The following KRIT1 variants were observed in gnomAD, a reference collection of about 807,000 sequenced individuals.
The protein encoded by KRIT1 is KRIT1 ankyrin repeat containing.
A neutral mutation model predicts 95.8 loss-of-function variants in KRIT1; 45 were observed. The observed-to-expected ratio is 0.47, with a 90% CI of 0.37 to 0.60. The LOEUF (loss-of-function observed/expected upper bound fraction) is 0.60, where lower values mean the gene tolerates loss of function less well. Among genes scored for constraint, KRIT1 ranks in the 20% least tolerant of loss-of-function variants. The pLI, the probability that KRIT1 is intolerant of heterozygous loss-of-function variation, is 0.00. For synonymous variants in KRIT1, 282 were observed against 278.8 expected, an observed-to-expected ratio of 1.01 and a Z score of -0.11; for missense variants, 788 against 877.5, an observed-to-expected ratio of 0.90 and a Z score of 1.29.
chr7:92,221,937 T>C lies in KRIT1; in HGVS notation c.1528A>G (p.Arg510Gly). 1 of 1,613,814 alleles carries C rather than the reference T, an allele frequency of 6.2e-7. No homozygotes were observed. The highest frequency in any genetic ancestry group is 8.5e-7 in the Non-Finnish European group (1 of 1,179,764). The change falls in exon 14 of 19, where the codon AGA becomes GGA. Residue 510 changes from arginine (R) to glycine (G), a missense_variant. This residue lies in a region of KRIT1 where 493 missense variants were observed against 582.3 expected (regional missense o/e 0.85). Coordinates refer to ENST00000394505, the MANE Select transcript of KRIT1 (RefSeq NM_194454.3). ...ACTTCCAAGGGAAGTCTCACATCTC[T>C]TCTTAGAAAAAGCTGAGGTGTTTCC... The part of the protein sequence containing the change: ...QRETPQLFLR[R>G]DVRLPLEVEK...
At chr7:92,243,189 T>G (rs1800069810) in intron 3 of KRIT1, among the ~76,000 whole-genome samples, 1 of 152,312 alleles carries the variant, frequency 6.6e-6, no homozygotes, top group Admixed American at 6.5e-5. Context: ...GCATATACTT[T>G]GTCCCACTAA....
chr7:92,215,428 G>A (rs1224258989), intron 14 of KRIT1, among the ~76,000 whole-genome samples: 1 of 152,142 alleles, frequency 6.6e-6, no homozygotes, highest in Admixed American at 6.5e-5. Flanking sequence ...TGACTAAAAA[G>A]ACTTTGCACT....
chr7:92,217,636 A>G (rs1048030030), intron 14 of KRIT1, among the ~76,000 whole-genome samples: 2 of 152,212 alleles, frequency 1.3e-5, no homozygotes, highest in African/African-American at 2.4e-5. Context: ...CTACTTGTAT[A>G]TATAGATCAC....
intron 10 of KRIT1, among the ~76,000 whole-genome samples, chr7:92,231,489 A>T (rs1055652618): frequency 6.6e-6 from 1 of 152,172 alleles, no homozygotes; most frequent in African/African-American, 2.4e-5. Flanking sequence ...TTTGAGAACC[A>T]CTAATCTAAT....
intron 5 of KRIT1, among the ~76,000 whole-genome samples, chr7:92,238,616 T>C (rs752366549): frequency 5.9e-5 from 9 of 152,244 alleles, no homozygotes; most frequent in Non-Finnish European, 1.5e-5. Context: ...AGAGGCACTA[T>C]TTCTTTTGTC....
rs926705279 is a variant in KRIT1, at chr7:92,225,630, T to A, written c.1254+90A>T. The A allele has an allele frequency of 1.5e-5, 12 of 785,748 alleles. No homozygotes were observed. The African/African-American group carries it at 1.7e-4, about 11-fold the overall frequency. 48.7% of individuals were successfully genotyped at this position (785,748 alleles called of 1,614,324 possible). On this transcript the variant is annotated intron_variant, in intron 12 of 18. Coordinates refer to ENST00000394505, the MANE Select transcript of KRIT1 (RefSeq NM_194454.3). Reference sequence around the variant, plus strand: ...TTATAGCAGTAAAGAAGCCATCTAATCGTCTTTCCACTCTTGCCACAGATC... The same window carrying A: ...TTATAGCAGTAAAGAAGCCATCTAAACGTCTTTCCACTCTTGCCACAGATC...
chr7:92,212,854 T>C (rs1444084014), intron 17 of KRIT1, among the ~76,000 whole-genome samples: 2 of 152,258 alleles, frequency 1.3e-5, no homozygotes, highest in Non-Finnish European at 2.9e-5. Flanking sequence ...TATGTATTTA[T>C]GTAAAAATCA....
At position 92,235,498 on chromosome 7, in the gene KRIT1, C is replaced by A. The variant is rs1219369614; in HGVS notation, c.634G>T (p.Ala212Ser). Residue 212 changes from alanine (A) to serine (S), a missense_variant, in exon 8 of 19, where the codon GCA becomes TCA. Physicochemically the swap from Ala to Ser is moderately conservative, Grantham distance 99. Transcript: ENST00000394505. ...AACATTTTACTCTTTATTTCTAGTG[C>A]ACTATAGCCCATATGTAGTGAGTTT... is the stretch of plus-strand genomic sequence containing the variant. ...TENSLHMGYSALEIKSKMLAL... is the reference protein window; with the variant it reads ...TENSLHMGYSSLEIKSKMLAL... The A allele has an allele frequency of 1.2e-6, 2 of 1,613,356 alleles. No homozygotes were observed. The highest frequency in any genetic ancestry group is 2.7e-5 in the African/African-American group (2 of 74,908).
chr7:92,231,453 T>TA lies in KRIT1; in HGVS notation c.989+2995dup, dbSNP rs557633962. Among the ~76,000 whole-genome samples the TA allele has an allele frequency of 1.2e-4, 19 of 152,182 alleles. No individual in the cohort carries two copies. In the East Asian group the frequency reaches 3.5e-3, roughly 28 times the overall value. On this transcript the variant is annotated intron_variant, in intron 10 of 18. Transcript: ENST00000394505. ...TTGGGAATCCTGTAACTGTTAAGAG[T>TA]AAAAAAGTATCCTGAGACCCAAAAG...
At chr7:92,239,540 G>C (rs978254299) in intron 5 of KRIT1, among the ~76,000 whole-genome samples, 2 of 152,068 alleles carry the variant, frequency 1.3e-5, no homozygotes, top group Non-Finnish European at 2.9e-5. Flanking sequence ...GGCATCCAAA[G>C]AGAGTCTTCA....
intron 10 of KRIT1, among the ~76,000 whole-genome samples, chr7:92,227,399 C>A (rs1043390300): frequency 6.6e-6 from 1 of 151,188 alleles, no homozygotes; most frequent in African/African-American, 2.4e-5. Flanking sequence ...CCCATCTCTA[C>A]TAAAAATACA....
At chr7:92,228,134 C>T (rs767290038) in intron 10 of KRIT1, among the ~76,000 whole-genome samples, 8 of 152,086 alleles carry the variant, frequency 5.3e-5, no homozygotes, top group Non-Finnish European at 1.2e-4. Flanking sequence ...GGATTAGAGG[C>T]GTGGGCCACC....
At chr7:92,200,957 C>A (rs2131081158) in intron 18 of KRIT1, among the ~76,000 whole-genome samples, 153 bp from the exon 19 acceptor site, 1 of 152,248 alleles carries the variant, frequency 6.6e-6, no homozygotes, top group Admixed American at 6.5e-5. Flanking sequence ...GATATTTACT[C>A]AGGCTTTTTG....
At chr7:92,222,784 T>A in intron 13 of KRIT1, 38 bp downstream of exon 13, 1 of 1,291,494 alleles carries the variant, frequency 7.7e-7, no homozygotes, top group Non-Finnish European at 1.1e-6. Context: ...CAAAAAGGAA[T>A]AATGAGGTTT....
At chr7:92,206,994 A>G (rs1360882488) in intron 17 of KRIT1, 4 of 151,968 alleles carry the variant, frequency 2.6e-5, no homozygotes, top group South Asian at 2.1e-4. Context: ...AAGAAAGCCA[A>G]TGTGACATGT....
intron 2 of KRIT1, 44 bp from the exon 3 acceptor site, chr7:92,244,193 T>C (rs1435919243): frequency 2.6e-5 from 4 of 152,244 alleles, no homozygotes; most frequent in African/African-American, 4.8e-5. Context: ...GAATACACTG[T>C]ATGATATATG....
intron 14 of KRIT1, among the ~76,000 whole-genome samples, chr7:92,215,761 CT>C (rs79274180): frequency 0.015 from 2,133 of 140,858 alleles, 25 homozygotes; most frequent in African/African-American, 0.043. Context: ...TGGCCTAGAT[CT>C]TTTTTTTTTT....
Position 92,244,039 on chromosome 7 carries a change from T to C in KRIT1, c.-40A>G, listed in dbSNP as rs748836990. The C allele has an allele frequency of 2.6e-5, 4 of 152,182 alleles. No homozygotes were observed. The highest frequency in any genetic ancestry group is 5.9e-5 in the Non-Finnish European group (4 of 68,012). The allele number at this position is 152,182 out of a possible 1,614,324, so 9.4% of individuals were successfully genotyped here. ...ACCTTCCTACATCATGTGAAAAGGA[T>C]GAGGCCTTTTTCTTCTCAGAATTTC... On this transcript the variant is annotated 5_prime_UTR_variant, in exon 3 of 19. Transcript: ENST00000394505.
intron 10 of KRIT1, among the ~76,000 whole-genome samples, chr7:92,228,183 T>A (rs1448178990): frequency 6.6e-6 from 1 of 152,084 alleles, no homozygotes; most frequent in African/African-American, 2.4e-5. Flanking sequence ...AGGAAAGAAC[T>A]GAAGAGATGT....
Sources: allele counts gnomAD v4.1 joint callset (sites outside exome capture counted in the v4.1 genomes callset), GRCh38; gene constraint gnomAD v4.1.1; regional missense constraint gnomAD v4.1.1; transcripts MANE v1.5; gene names NCBI Gene and HGNC (gene_info 2026-07-23, HGNC 2026-07-21).